Variants in GABBR2 observed in about 807,000 individuals in gnomAD.
GABBR2 encodes the protein gamma-aminobutyric acid type B receptor subunit 2.
Under a neutral mutation model 105.6 loss-of-function variants are expected in GABBR2, and 23 were observed. The ratio of observed to expected loss-of-function variants is 0.22; its 90% CI spans 0.16 to 0.31. The LOEUF (loss-of-function observed/expected upper bound fraction) is 0.31, where lower values mean the gene tolerates loss of function less well. Ranked by LOEUF, GABBR2 falls within the 10% of genes least tolerant of loss-of-function variation. The pLI is 1.00. For synonymous variants in GABBR2, 478 were observed against 499.7 expected (o/e 0.96, Z 0.58); for missense variants, 734 against 1,245.5 (o/e 0.59, Z 6.18).
chr9:98,380,361 C>A (rs1012545738), intron 11 of GABBR2, among the ~76,000 whole-genome samples: 2 of 152,254 alleles, frequency 1.3e-5, no homozygotes, highest in African/African-American at 4.8e-5. Context: ...TGCAAAGCCC[C>A]TTCTTACTCC....
chr9:98,294,982 G>T (rs1158188524), intron 17 of GABBR2, among the ~76,000 whole-genome samples: 1 of 152,168 alleles, frequency 6.6e-6, no homozygotes, highest in South Asian at 2.1e-4. Flanking sequence ...GTTCCCACCC[G>T]AGATTTGGAT....
chr9:98,334,624 C>T (rs1205941200), intron 13 of GABBR2, among the ~76,000 whole-genome samples: 1 of 149,508 alleles, frequency 6.7e-6, no homozygotes, highest in East Asian at 2.0e-4. Flanking sequence ...AGTTGGGGTA[C>T]CAGTCCAGAG....
At chr9:98,423,549 G>A (rs574627455) in intron 7 of GABBR2, among the ~76,000 whole-genome samples, 4 of 152,290 alleles carry the variant, frequency 2.6e-5, no homozygotes, top group African/African-American at 9.6e-5. Context: ...CTCCCATTCT[G>A]TAGGTTGCCT....
chr9:98,611,971 A>G (rs1829512654), intron 1 of GABBR2, among the ~76,000 whole-genome samples: 1 of 152,290 alleles, frequency 6.6e-6, no homozygotes, highest in Admixed American at 6.5e-5. Flanking sequence ...GGTGGAGAAC[A>G]GGCCTGCTCA....
Position 98,447,090 on chromosome 9 carries a change from C to T in GABBR2, c.1236+6891G>A, listed in dbSNP as rs1040972506. 2.2e-5 allele frequency among the ~76,000 whole-genome samples: 2 copies of T among 91,236 alleles called. 1 individual carries two copies. Among genetic ancestry groups the T allele is most frequent in the Non-Finnish European group, 4.2e-5 (2 of 47,150 alleles). The allele number at this position is 91,236 out of a possible 152,430, so 59.9% of individuals were successfully genotyped here. On this transcript the variant is annotated intron_variant, in intron 7 of 18. Transcript: ENST00000259455. ...TTTTTTTTTTTTTTTGAGACGGAGT[C>T]TCGCTCTGTCGCCCAGGCTGGAGTG...
chr9:98,626,785 C>A (rs1829743160), intron 1 of GABBR2, among the ~76,000 whole-genome samples: 1 of 152,086 alleles, frequency 6.6e-6, no homozygotes, highest in African/African-American at 2.4e-5. Flanking sequence ...GATGCAGTGG[C>A]CTAAAATGCT....
At chr9:98,309,259 T>G (rs1160938465) in intron 14 of GABBR2, among the ~76,000 whole-genome samples, 3 of 152,178 alleles carry the variant, frequency 2.0e-5, no homozygotes, top group African/African-American at 7.2e-5. Flanking sequence ...TCCAACCACT[T>G]TGGAAGTAGG....
At chr9:98,380,816 G>A (rs1831960301) in intron 11 of GABBR2, among the ~76,000 whole-genome samples, 1 of 152,188 alleles carries the variant, frequency 6.6e-6, no homozygotes. Context: ...ACCCTCGTCC[G>A]AGCAGAGGTG....
intron 1 of GABBR2, among the ~76,000 whole-genome samples, chr9:98,695,733 T>C (rs1248802508): frequency 2.6e-5 from 4 of 152,166 alleles, no homozygotes; most frequent in African/African-American, 9.7e-5. Flanking sequence ...TCACAGAGTA[T>C]CATCCCCATC....
chr9:98,428,679 A>T (rs1485047335), intron 7 of GABBR2, among the ~76,000 whole-genome samples: 1 of 152,224 alleles, frequency 6.6e-6, no homozygotes, highest in African/African-American at 2.4e-5. Flanking sequence ...TTGGTTCAGA[A>T]ATGGGCACAT....
chr9:98,658,272 A>T (rs963263850), intron 1 of GABBR2, among the ~76,000 whole-genome samples: 1 of 152,186 alleles, frequency 6.6e-6, no homozygotes, highest in Non-Finnish European at 1.5e-5. Flanking sequence ...TTAGAAATAC[A>T]CAAGCCTGGG....
chr9:98,621,110 A>G (rs1043021725), intron 1 of GABBR2, among the ~76,000 whole-genome samples: 1 of 152,238 alleles, frequency 6.6e-6, no homozygotes, highest in Non-Finnish European at 1.5e-5. Context: ...AGAGCCCTTC[A>G]CAATTTATGA....
intron 9 of GABBR2, among the ~76,000 whole-genome samples, chr9:98,391,458 C>T (rs1192707809): frequency 6.6e-6 from 1 of 152,126 alleles, no homozygotes; most frequent in Non-Finnish European, 1.5e-5. Context: ...AACTGCTGCC[C>T]GTGACGCTGG....
At chr9:98,383,885 G>A (rs1374711117) in intron 11 of GABBR2, among the ~76,000 whole-genome samples, 1 of 152,140 alleles carries the variant, frequency 6.6e-6, no homozygotes, top group African/African-American at 2.4e-5. Flanking sequence ...GTGTGAGTGG[G>A]GACTTGCAGC....
Position 98,362,805 on chromosome 9 carries a change from C to G in GABBR2, c.1803G>C (p.Val601=), listed in dbSNP as rs780693472. ...IIKDQKLLVI[V]GGMLLIDLCI... is the part of the protein sequence containing the mutation. ...ACAGGTCGATCAGCAGCATGCCCCC[C>G]ACGATCACAAGCAGTTTCTGGTCCT... Residue 601 remains valine (V), a synonymous_variant, in exon 13 of 19, where the codon GTG becomes GTC. Transcript: ENST00000259455. 3 of 1,597,632 alleles carry G rather than the reference C, an allele frequency of 1.9e-6. No homozygotes were observed. The highest frequency in any genetic ancestry group is 1.7e-5 in the Admixed American group (1 of 57,532).
At chr9:98,470,514 C>T (rs145901296) in intron 6 of GABBR2, among the ~76,000 whole-genome samples, 16 of 152,222 alleles carry the variant, frequency 1.1e-4, no homozygotes, top group African/African-American at 3.6e-4. Flanking sequence ...TATCTCCCAC[C>T]GGGTCCCTCC....
At chr9:98,646,125 G>GGGCT (rs76533175) in intron 1 of GABBR2, among the ~76,000 whole-genome samples, 8,153 of 152,218 alleles carry the variant, frequency 0.054, 838 homozygotes, top group East Asian at 0.44. Flanking sequence ...GGTTGGCCTT[G>GGGCT]GGCTGGTATC....
At chr9:98,396,481 G>A (rs959009236) in intron 8 of GABBR2, among the ~76,000 whole-genome samples, 2 of 152,152 alleles carry the variant, frequency 1.3e-5, no homozygotes, top group African/African-American at 2.4e-5. Flanking sequence ...TGGAAACAGG[G>A]GCTGTAAAAG....
At chr9:98,570,021 G>A (rs898848307) in intron 2 of GABBR2, among the ~76,000 whole-genome samples, 2 of 152,152 alleles carry the variant, frequency 1.3e-5, no homozygotes, top group Non-Finnish European at 2.9e-5. Flanking sequence ...TTTTTTAAAT[G>A]TCAAAACCAG....
Sources: gnomAD v4.1 joint callset for allele counts (sites outside exome capture counted in the v4.1 genomes callset) on GRCh38, gnomAD v4.1.1 for gene constraint, MANE v1.5 for transcripts, NCBI Gene and HGNC (gene_info 2026-07-23, HGNC 2026-07-21) for gene names.